The following SLC45A1 variants were observed in gnomAD, a reference collection of about 807,000 sequenced individuals.
SLC45A1 encodes proton-associated sugar transporter A.
SLC45A1 carries 28 observed loss-of-function variants against 57.6 expected under a neutral mutation model. The ratio of observed to expected loss-of-function variants is 0.49; its 90% CI spans 0.36 to 0.67. The LOEUF (loss-of-function observed/expected upper bound fraction) is 0.67, where lower values mean the gene tolerates loss of function less well. Ranked by LOEUF, SLC45A1 falls within the 30% of genes least tolerant of loss-of-function variation. SLC45A1 has a pLI of 0.00. For synonymous variants in SLC45A1, 459 were observed against 471.5 expected (o/e 0.97, Z 0.34); for missense variants, 814 against 1,041.5 (o/e 0.78, Z 3.01).
chr1:8,334,825 G>A (rs1640555625), intron 5 of SLC45A1, among the ~76,000 whole-genome samples: 1 of 152,226 alleles, frequency 6.6e-6, no homozygotes, highest in South Asian at 2.1e-4. Context: ...TGCAAACCGA[G>A]TGAAGATGTC....
chr1:8,324,779 C>G (rs2124292916), intron 2 of SLC45A1, 53 bp downstream of exon 2: 2 of 1,487,066 alleles, frequency 1.3e-6, no homozygotes, highest in East Asian at 2.4e-5. Context: ...CCTCCAGAAG[C>G]CTCATCGCAG....
In SLC45A1 at chr1:8,330,982, G is replaced by T. The variant is rs766399771; in HGVS notation, c.1443+46G>T. The stretch of plus-strand genomic sequence containing the variant: ...AGCTGAGGCTCAGAGGGTGGCATTC[G>T]GGGGTCCCCTGGTCAGTTACATGAC... On this transcript the variant is annotated intron_variant, in intron 5 of 8. Coordinates refer to ENST00000471889, the MANE Select transcript of SLC45A1 (RefSeq NM_001080397.3). The surrounding 1 kb of genome is among the most constrained non-coding windows in gnomAD (Gnocchi z 8.4). 6.5e-7 allele frequency: 1 copy of T among 1,530,184 alleles called. No homozygotes were observed. Among genetic ancestry groups the T allele is most frequent in the Non-Finnish European group, 8.8e-7 (1 of 1,141,242 alleles). 94.8% of individuals were successfully genotyped at this position (1,530,184 alleles called of 1,614,324 possible).
At chr1:8,322,420 G>A (rs1408728578) in intron 1 of SLC45A1, among the ~76,000 whole-genome samples, 1 of 150,730 alleles carries the variant, frequency 6.6e-6, no homozygotes, top group African/African-American at 2.4e-5. Context: ...AGTTGGGTGG[G>A]TAGATGGATG....
In SLC45A1 at chr1:8,326,531, C is replaced by A. The variant is rs1347436572; in HGVS notation, c.715+489C>A. Among the ~76,000 whole-genome samples the A allele has an allele frequency of 1.3e-5, 2 of 152,178 alleles. No individual in the cohort carries two copies. The highest frequency in any genetic ancestry group is 4.8e-5 in the African/African-American group (2 of 41,444). On this transcript the variant is annotated intron_variant, in intron 4 of 8. Transcript: ENST00000471889. This position sits in a 1 kb window ranked among gnomAD's most constrained non-coding sequence, Gnocchi z 5.5. Reference sequence around the variant, plus strand: ...GACAGCGCTGCAACTCAAGCCTGAACGAAGCGTCACTGTCGCATGCATTTT... The same window carrying A: ...GACAGCGCTGCAACTCAAGCCTGAAAGAAGCGTCACTGTCGCATGCATTTT...
intron 1 of SLC45A1, among the ~76,000 whole-genome samples, chr1:8,323,801 T>G (rs1365059709): frequency 6.6e-6 from 1 of 152,206 alleles, no homozygotes; most frequent in Non-Finnish European, 1.5e-5. Flanking sequence ...GGACTGGCTC[T>G]GACTCTATCT....
rs1486791101 is a variant in SLC45A1 at position 8,340,416 on chromosome 1, C to T, written c.1980+718C>T. 7.9e-5 allele frequency among the ~76,000 whole-genome samples: 12 copies of T among 152,158 alleles called. 1 individual carries two copies. The highest frequency in any genetic ancestry group is 2.9e-4 in the African/African-American group (12 of 41,446). On this transcript the variant is annotated intron_variant, in intron 8 of 8. Transcript: ENST00000471889. ...TGACCTCATGATCCGCCCGCCTCAGCCTCCCAAAGTGCTGGGATTACAGGC... is the reference window on the plus strand; with the variant it reads ...TGACCTCATGATCCGCCCGCCTCAGTCTCCCAAAGTGCTGGGATTACAGGC...
chr1:8,325,172 A>C lies in SLC45A1; in HGVS notation c.398-126A>C, dbSNP rs1180848953. On this transcript the variant is annotated intron_variant, in intron 2 of 8. Transcript: ENST00000471889. This position sits in a 1 kb window ranked among gnomAD's most constrained non-coding sequence, Gnocchi z 6.3. The stretch of plus-strand genomic sequence containing the variant: ...TCAGGGTTTTGTCACTGACTGTTTC[A>C]TCATCTTATTCTTTTGATGCACTGG... 1 of 646,580 alleles carries C rather than the reference A, an allele frequency of 1.5e-6. No individual in the cohort carries two copies. The highest frequency in any genetic ancestry group is 2.8e-6 in the Non-Finnish European group (1 of 360,790). 40.1% of individuals were successfully genotyped at this position (646,580 alleles called of 1,614,324 possible). A position where few individuals can be genotyped will look rare whatever the true frequency, so the allele number is the denominator to read the frequency against.
chr1:8,323,528 G>T (rs1170950101), intron 1 of SLC45A1, among the ~76,000 whole-genome samples: 1 of 151,740 alleles, frequency 6.6e-6, no homozygotes, highest in African/African-American at 2.4e-5. Context: ...TGAAGCTGGG[G>T]GGTGGGGATC....
rs1318714243 is a variant in SLC45A1 at position 8,328,355 on chromosome 1, C to T, written c.716-1854C>T. 2.6e-5 allele frequency among the ~76,000 whole-genome samples: 4 copies of T among 152,292 alleles called. No homozygotes were observed. The highest frequency in any genetic ancestry group is 2.1e-4 in the South Asian group (1 of 4,826). ...TGGCTCTACTTCCACAAGCCTCGGT[C>T]GCATCTCCTGGAAAATGTTGCCGCT... On this transcript the variant is annotated intron_variant, in intron 4 of 8. Coordinates refer to ENST00000471889, the MANE Select transcript of SLC45A1 (RefSeq NM_001080397.3). This position sits in a 1 kb window ranked among gnomAD's most constrained non-coding sequence, Gnocchi z 4.6.
Position 8,335,305 on chromosome 1 carries a change from G to A in SLC45A1, c.1444-132G>A, listed in dbSNP as rs979746492. ...TTGGCGTCGACACGGGGCTCATGCC[G>A]TCAGATAAGAAGACAGACCCTTGCA... On this transcript the variant is annotated intron_variant, in intron 5 of 8. Transcript: ENST00000471889. The surrounding 1 kb of genome is among the most constrained non-coding windows in gnomAD (Gnocchi z 4.1). 18 of 875,280 alleles carry A rather than the reference G, an allele frequency of 2.1e-5. No homozygotes were observed. The highest frequency in any genetic ancestry group is 1.2e-4 in the African/African-American group (7 of 57,556). 54.2% of individuals were successfully genotyped at this position (875,280 alleles called of 1,614,324 possible). A position where few individuals can be genotyped will look rare whatever the true frequency, so the allele number is the denominator to read the frequency against.
At position 8,327,799 on chromosome 1, in the gene SLC45A1, A is replaced by G. The variant is rs1281533003; in HGVS notation, c.715+1757A>G. 6.6e-6 allele frequency among the ~76,000 whole-genome samples: 1 copy of G among 152,070 alleles called. No homozygotes were observed. The highest frequency in any genetic ancestry group is 1.5e-5 in the Non-Finnish European group (1 of 68,008). On this transcript the variant is annotated intron_variant, in intron 4 of 8. Coordinates refer to ENST00000471889, the MANE Select transcript of SLC45A1 (RefSeq NM_001080397.3). The surrounding 1 kb of genome is among the most constrained non-coding windows in gnomAD (Gnocchi z 4.3). ...TAACCCCAGCACTTTGAGAGGCTGAAGTGGGTGAATCACTTGAGGTCAGGC... is the reference window on the plus strand; with the variant it reads ...TAACCCCAGCACTTTGAGAGGCTGAGGTGGGTGAATCACTTGAGGTCAGGC...
At position 8,330,990 on chromosome 1, in the gene SLC45A1, C is replaced by T. The variant is rs1416952858; in HGVS notation, c.1443+54C>T. The T allele has an allele frequency of 6.6e-7, 1 of 1,519,114 alleles. No individual in the cohort carries two copies. The highest frequency in any genetic ancestry group is 8.8e-7 in the Non-Finnish European group (1 of 1,137,022). The allele number at this position is 1,519,114 out of a possible 1,614,324, so 94.1% of individuals were successfully genotyped here. On this transcript the variant is annotated intron_variant, in intron 5 of 8. Coordinates refer to ENST00000471889, the MANE Select transcript of SLC45A1 (RefSeq NM_001080397.3). This position sits in a 1 kb window ranked among gnomAD's most constrained non-coding sequence, Gnocchi z 8.4. ...CTCAGAGGGTGGCATTCGGGGGTCC[C>T]CTGGTCAGTTACATGACAAAGAGGG...
rs201971465 is a variant in SLC45A1, at chr1:8,330,317, T to C, written c.824T>C (p.Val275Ala). The C allele has an allele frequency of 1.2e-6, 2 of 1,613,454 alleles. No individual in the cohort carries two copies. Among genetic ancestry groups the C allele is most frequent in the African/African-American group, 1.3e-5 (1 of 74,838 alleles). ...QLRVIYLFTA[V>A]TLSVTTVLTL... ...CGAGTCATTTACCTCTTCACTGCGGTCACCCTGAGCGTCACCACCGTCCTG... is the reference window on the plus strand; with the variant it reads ...CGAGTCATTTACCTCTTCACTGCGGCCACCCTGAGCGTCACCACCGTCCTG... The change falls in exon 5 of 9, where the codon GTC becomes GCC. Residue 275 changes from valine (V) to alanine (A), a missense_variant. Physicochemically the swap from Val to Ala is moderately conservative, Grantham distance 64 (BLOSUM62 0). Transcript: ENST00000471889. The surrounding 1 kb of genome is among the most constrained non-coding windows in gnomAD (Gnocchi z 8.4).
chr1:8,337,748 G>A, intron 6 of SLC45A1, 68 bp from the exon 7 acceptor site: 1 of 1,438,100 alleles, frequency 7.0e-7, no homozygotes, highest in Non-Finnish European at 9.6e-7. Context: ...GTAGACGCAT[G>A]TTGGTTAGAG....
At chr1:8,322,008 T>TGGAG (rs1640025083) in intron 1 of SLC45A1, among the ~76,000 whole-genome samples, 1 of 43,400 alleles carries the variant, frequency 2.3e-5, no homozygotes, top group Non-Finnish European at 4.2e-5. Context: ...GATGGATGGA[T>TGGAG]GGATGGATGG....
At chr1:8,342,952 A>T (rs1000671507) in intron 8 of SLC45A1, among the ~76,000 whole-genome samples, 4 of 151,684 alleles carry the variant, frequency 2.6e-5, no homozygotes, top group African/African-American at 9.7e-5. Context: ...TGTGACCTGG[A>T]TTACTGAGTT....
In SLC45A1 at chr1:8,324,567, C is replaced by A. The variant is rs1208006701; in HGVS notation, c.238C>A (p.Pro80Thr). ...LELVDFGDLH[P>T]QRSFRELLFN... ...GCTGGTGGACTTCGGGGACCTGCAC[C>A]CCCAGAGGTCCTTCCGGGAGCTGCT... Residue 80 changes from proline to threonine, a missense_variant, in exon 2 of 9, where the codon CCC (proline) becomes ACC (threonine). By Grantham distance (38) the Pro-to-Thr change is conservative (BLOSUM62 -1). Coordinates refer to ENST00000471889, the MANE Select transcript of SLC45A1 (RefSeq NM_001080397.3). 6.2e-7 allele frequency: 1 copy of A among 1,613,108 alleles called. No individual in the cohort carries two copies.
chr1:8,330,598 G>A lies in SLC45A1; in HGVS notation c.1105G>A (p.Gly369Ser). 1 of 1,613,626 alleles carries A rather than the reference G, an allele frequency of 6.2e-7. No homozygotes were observed. Among genetic ancestry groups the A allele is most frequent in the African/African-American group, 1.3e-5 (1 of 75,058 alleles). Reference sequence around the variant, plus strand: ...CATCAGCGAGTTCGCCTCATCCTTTGGCACGGCCAACATAGACAGCGTCCT... The same window carrying A: ...CATCAGCGAGTTCGCCTCATCCTTTAGCACGGCCAACATAGACAGCGTCCT... Reference protein sequence around the residue: ...TGISEFASSFGTANIDSVLID... With the variant: ...TGISEFASSFSTANIDSVLID... The change falls in exon 5 of 9, where the codon GGC becomes AGC. Residue 369 changes from glycine (G) to serine (S), a missense_variant. Gly to Ser is a moderately conservative substitution (Grantham distance 56). Coordinates refer to ENST00000471889, the MANE Select transcript of SLC45A1 (RefSeq NM_001080397.3). The surrounding 1 kb of genome is among the most constrained non-coding windows in gnomAD (Gnocchi z 8.4).
chr1:8,331,937 C>T (rs906293079), intron 5 of SLC45A1, among the ~76,000 whole-genome samples: 57 of 152,138 alleles, frequency 3.7e-4, no homozygotes, highest in Admixed American at 2.9e-3. Context: ...GGGCTACAGG[C>T]GCCCGCCACC....
Sources: gnomAD v4.1 joint callset for allele counts (sites outside exome capture counted in the v4.1 genomes callset) on GRCh38, gnomAD v4.1.1 for gene constraint, Gnocchi (gnomAD v3.1) non-coding constraint, MANE v1.5 for transcripts, NCBI Gene and HGNC (gene_info 2026-07-23, HGNC 2026-07-21) for gene names.